Variants in EBF1 observed in about 807,000 individuals in gnomAD.
EBF1 encodes EBF transcription factor 1, also known as transcription factor COE1.
Under a neutral mutation model 68.4 loss-of-function variants are expected in EBF1, and 10 were observed. That is an observed-to-expected ratio of 0.15 (90% confidence interval 0.09 to 0.25). The LOEUF (loss-of-function observed/expected upper bound fraction) is 0.25. Among genes scored for constraint, EBF1 ranks in the 10% least tolerant of loss-of-function variants. The pLI is 1.00. For missense variants in EBF1, 509 were observed against 794.4 expected (o/e 0.64, Z 4.32); for synonymous variants, 298 against 299.8 (o/e 0.99, Z 0.06).
intron 8 of EBF1, among the ~76,000 whole-genome samples, chr5:158,818,815 G>GA (rs2127833177): frequency 6.6e-6 from 1 of 151,620 alleles, no homozygotes; most frequent in South Asian, 2.1e-4. Context: ...AAATAAGTAG[G>GA]ACCCCAGGTC....
chr5:158,879,711 A>G lies in EBF1; in HGVS notation c.555-39601T>C, dbSNP rs191781786. ...CATGTACCCTAGAACTTAAAGTATA[A>G]TAATAATAATAAAAAGAAAAGTTGT... On this transcript the variant is annotated intron_variant, in intron 6 of 15. Transcript: ENST00000313708. 1.4e-3 allele frequency among the ~76,000 whole-genome samples: 209 copies of G among 152,238 alleles called. 2 individuals are homozygous for G. Among genetic ancestry groups the G allele is most frequent in the Non-Finnish European group, 2.6e-3 (179 of 68,010 alleles).
chr5:159,096,318 GC>G lies in EBF1; in HGVS notation c.355+24del, dbSNP rs1483669925. On this transcript the variant is annotated intron_variant, in intron 3 of 15. Coordinates refer to ENST00000313708, the MANE Select transcript of EBF1 (RefSeq NM_024007.5). The stretch of plus-strand genomic sequence containing the variant: ...CCCAGACCCGGAGCCCCAGGGTGAG[GC>G]CATAGACCCGACCCGGGCCTCACCA... 3 of 1,609,876 alleles carry G rather than the reference GC, an allele frequency of 1.9e-6. No homozygotes were observed. In the South Asian group the frequency reaches 3.3e-5, roughly 18 times the overall value.
chr5:158,847,087 T>C (rs1402171696), intron 6 of EBF1, among the ~76,000 whole-genome samples: 1 of 152,194 alleles, frequency 6.6e-6, no homozygotes, highest in Non-Finnish European at 1.5e-5. Context: ...CCTTTTCCAC[T>C]GGCCAAGGTC....
Position 158,740,246 on chromosome 5 carries a change from G to A in EBF1, c.1037-9089C>T, listed in dbSNP as rs142355830. On this transcript the variant is annotated intron_variant, in intron 10 of 15. Transcript: ENST00000313708. Reference sequence around the variant, plus strand: ...ATGGCTCTCAGCAGGGGACAGCACCGAGTCAGGCTCCAAGGCGAAGAAATC... The same window carrying A: ...ATGGCTCTCAGCAGGGGACAGCACCAAGTCAGGCTCCAAGGCGAAGAAATC... 3.3e-5 allele frequency among the ~76,000 whole-genome samples: 5 copies of A among 152,260 alleles called. No individual in the cohort carries two copies. In the East Asian group the frequency reaches 9.7e-4, roughly 29 times the overall value.
intron 6 of EBF1, among the ~76,000 whole-genome samples, chr5:159,014,240 T>G (rs545667664): frequency 6.6e-6 from 1 of 152,200 alleles, no homozygotes; most frequent in Non-Finnish European, 1.5e-5. Flanking sequence ...AGGCAGAAGA[T>G]TCCAAAGTAT....
At chr5:158,979,747 T>C (rs1259671355) in intron 6 of EBF1, among the ~76,000 whole-genome samples, 1 of 152,154 alleles carries the variant, frequency 6.6e-6, no homozygotes, top group Non-Finnish European at 1.5e-5. Context: ...AGCAAAAATT[T>C]CCAGAATTGT....
intron 8 of EBF1, among the ~76,000 whole-genome samples, chr5:158,814,784 A>G (rs993410624): frequency 2.6e-5 from 4 of 152,192 alleles, no homozygotes; most frequent in African/African-American, 9.6e-5. Flanking sequence ...AAATATTACC[A>G]GCATCCTTAT....
intron 6 of EBF1, among the ~76,000 whole-genome samples, chr5:158,959,962 G>A (rs1817846714): frequency 1.3e-5 from 2 of 152,066 alleles, no homozygotes; most frequent in African/African-American, 4.8e-5. Flanking sequence ...CCTAGTTAGG[G>A]TGGCTATTCA....
chr5:159,056,813 C>T (rs1774837186), intron 6 of EBF1, among the ~76,000 whole-genome samples: 1 of 152,062 alleles, frequency 6.6e-6, no homozygotes, highest in South Asian at 2.1e-4. Context: ...ATGTCAGTAC[C>T]TTCCAGAGAA....
At chr5:159,045,790 T>A (rs1182953618) in intron 6 of EBF1, among the ~76,000 whole-genome samples, 1 of 152,204 alleles carries the variant, frequency 6.6e-6, no homozygotes, top group East Asian at 1.9e-4. Context: ...AAAGTTGTCA[T>A]AAAGTCTTAT....
intron 6 of EBF1, among the ~76,000 whole-genome samples, chr5:158,885,926 T>G (rs550929300): frequency 2.0e-5 from 3 of 152,188 alleles, no homozygotes; most frequent in African/African-American, 7.2e-5. Flanking sequence ...CCTGTTGAAA[T>G]TGCTTCTCTG....
intron 6 of EBF1, among the ~76,000 whole-genome samples, chr5:158,899,626 A>G (rs564505274): frequency 6.6e-6 from 1 of 152,352 alleles, no homozygotes; most frequent in South Asian, 2.1e-4. Flanking sequence ...GAAATCCTAT[A>G]ATGTAACGAC....
At chr5:159,032,755 A>G (rs901201544) in intron 6 of EBF1, among the ~76,000 whole-genome samples, 5 of 152,220 alleles carry the variant, frequency 3.3e-5, no homozygotes, top group Admixed American at 3.3e-4. Flanking sequence ...AAAATTTAAC[A>G]TTCATGATTA....
chr5:158,770,185 G>C (rs1773593237), intron 10 of EBF1, among the ~76,000 whole-genome samples: 1 of 152,026 alleles, frequency 6.6e-6, no homozygotes, highest in South Asian at 2.1e-4. Flanking sequence ...TAAGTTGAGG[G>C]AGACAAAAAT....
chr5:158,947,639 C>A (rs1374855241), intron 6 of EBF1, among the ~76,000 whole-genome samples: 1 of 152,218 alleles, frequency 6.6e-6, no homozygotes, highest in Non-Finnish European at 1.5e-5. Context: ...TCCTATTCGG[C>A]CATCTTGCCT....
At chr5:158,997,931 CT>C (rs1487305322) in intron 6 of EBF1, among the ~76,000 whole-genome samples, 1 of 152,106 alleles carries the variant, frequency 6.6e-6, no homozygotes, top group Non-Finnish European at 1.5e-5. Flanking sequence ...TGTTTTATAC[CT>C]TTGCATATGT....
intron 6 of EBF1, among the ~76,000 whole-genome samples, chr5:159,057,030 A>G (rs1295617667): frequency 2.0e-5 from 3 of 152,078 alleles, no homozygotes; most frequent in African/African-American, 4.8e-5. Context: ...AAATAAAGTA[A>G]TATTTTATGA....
In EBF1 at chr5:158,696,126, G is replaced by A; in HGVS notation, c.*2985C>T. 1 of 216,906 alleles carries A rather than the reference G, an allele frequency of 4.6e-6. No individual in the cohort carries two copies. Among genetic ancestry groups the A allele is most frequent in the African/African-American group, 2.2e-5 (1 of 44,540 alleles). The allele number at this position is 216,906 out of a possible 1,614,324, so 13.4% of individuals were successfully genotyped here. On this transcript the variant is annotated 3_prime_UTR_variant, in exon 16 of 16. Coordinates refer to ENST00000313708, the MANE Select transcript of EBF1 (RefSeq NM_024007.5). Reference sequence around the variant, plus strand: ...ATTTAGAGATGACTTCATTTAAGCTGCATCCTAGTACAATGTGAGGCCAGG... The same window carrying A: ...ATTTAGAGATGACTTCATTTAAGCTACATCCTAGTACAATGTGAGGCCAGG...
intron 6 of EBF1, among the ~76,000 whole-genome samples, chr5:158,969,892 G>GAAAGAAAGAAAGAAAGA (rs1755125959): frequency 2.0e-5 from 2 of 99,002 alleles, no homozygotes; most frequent in Admixed American, 2.3e-4. Context: ...AAGAAAGAAA[G>GAAAGAAAGAAAGAAAGA]AAAGAAAGAA....
Sources: gnomAD v4.1 joint callset for allele counts (sites outside exome capture counted in the v4.1 genomes callset) on GRCh38, gnomAD v4.1.1 for gene constraint, MANE v1.5 for transcripts, NCBI Gene and HGNC (gene_info 2026-07-23, HGNC 2026-07-21) for gene names.